HEATR4: variants seen among roughly 807,000 people sequenced by gnomAD.
HEATR4 encodes HEAT repeat containing 4, also known as HEAT repeat-containing protein 4.
HEATR4 carries 95 observed loss-of-function variants against 108.8 expected under a neutral mutation model. That is an observed-to-expected ratio of 0.87 (90% CI 0.74 to 1.04). HEATR4 has a LOEUF of 1.04. HEATR4 is among the 50% of genes least tolerant of loss of function. HEATR4 has a pLI of 0.00. For missense variants in HEATR4, 1,152 were observed against 1,253.8 expected (o/e 0.92, Z 1.23); for synonymous variants, 443 against 459.4 (o/e 0.96, Z 0.46).
At chr14:73,576,263 TG>T in the HEATR4 span, among the ~76,000 whole-genome samples, 1 of 151,972 alleles carries the variant, frequency 6.6e-6, no homozygotes, top group African/African-American at 2.4e-5. Context: ...CCTTTAAGAA[TG>T]GAAGTTAACA....
the HEATR4 span, among the ~76,000 whole-genome samples, chr14:73,590,116 A>G: frequency 0.18 from 27,780 of 152,082 alleles, 4,447 homozygotes; most frequent in African/African-American, 0.43. Context: ...TGCCACTGCT[A>G]GCTCTGGCAG....
intron 2 of HEATR4, among the ~76,000 whole-genome samples, chr14:73,527,554 G>GA (rs59320523): frequency 0.67 from 102,163 of 151,388 alleles, 35,085 homozygotes; most frequent in East Asian, 0.89. Context: ...CTTCGCAAAA[G>GA]AAAAAAAATC....
the HEATR4 span, among the ~76,000 whole-genome samples, chr14:73,604,272 C>A: frequency 3.4e-5 from 5 of 148,850 alleles, no homozygotes; most frequent in East Asian, 1.0e-3. Flanking sequence ...TCAAGCAATT[C>A]TCCTGCCTCA....
At chr14:73,503,287 C>G (rs1384737898) in intron 10 of HEATR4, among the ~76,000 whole-genome samples, 1 of 152,182 alleles carries the variant, frequency 6.6e-6, no homozygotes, top group Non-Finnish European at 1.5e-5. Context: ...CAAGCTCATC[C>G]TTTAAACTAT....
chr14:73,478,734 C>T lies in HEATR4; in HGVS notation c.2953G>A (p.Glu985Lys), dbSNP rs777140747. 1.1e-5 allele frequency: 17 copies of T among 1,613,896 alleles called. No individual in the cohort carries two copies. Among genetic ancestry groups the T allele is most frequent in the Non-Finnish European group, 1.4e-5 (17 of 1,179,964 alleles). Residue 985 changes from glutamate (E) to lysine (K), a missense_variant, in exon 18 of 18, where the codon GAG (glutamate) becomes AAG (lysine). Physicochemically the swap from Glu to Lys is moderately conservative, Grantham distance 56 (BLOSUM62 1). Transcript: ENST00000553558. ...AATGGTCCCACAGCAATCCTTTTCT[C>T]GGGGGAGGTGCGTAGATCTTTGACA... Reference protein sequence around the residue: ...SLVKDLRTSPEKRIAVGPFRS... With the variant: ...SLVKDLRTSPKKRIAVGPFRS...
the HEATR4 span, among the ~76,000 whole-genome samples, chr14:73,598,954 A>C: frequency 1.3e-5 from 2 of 152,136 alleles, no homozygotes; most frequent in Admixed American, 6.5e-5. Context: ...CAATGAGTCA[A>C]GATCACACCA....
At chr14:73,559,846 C>T (rs2140323887), upstream of HEATR4, among the ~76,000 whole-genome samples, 1 of 152,232 alleles carries the variant, frequency 6.6e-6, no homozygotes, top group Middle Eastern at 3.4e-3. Flanking sequence ...GAACACATGA[C>T]CACATAGTTC....
the HEATR4 span, among the ~76,000 whole-genome samples, chr14:73,605,541 G>GGAGGCTGTAA: frequency 2.0e-5 from 3 of 147,810 alleles, no homozygotes; most frequent in Non-Finnish European, 3.0e-5. Flanking sequence ...TCATGCAGCT[G>GGAGGCTGTAA]GAGGCTGTAA....
chr14:73,491,762 T>G (rs758521493), intron 17 of HEATR4: 21 of 1,565,206 alleles, frequency 1.3e-5, no homozygotes, highest in Non-Finnish European at 1.8e-5. Context: ...TGACCTGGAT[T>G]CGATGCTGCG....
Position 73,487,006 on chromosome 14 carries a change from G to A in HEATR4, c.2844+6060C>T, listed in dbSNP as rs180895169. ...TTCCTGGCCCAGCGCGATGGCTCAC[G>A]CCTGTAATCCCAGCACTTTGGGAGG... On this transcript the variant is annotated intron_variant, in intron 17 of 17. Transcript: ENST00000553558. 1.2e-3 allele frequency among the ~76,000 whole-genome samples: 188 copies of A among 152,104 alleles called. 1 individual carries two copies. The highest frequency in any genetic ancestry group is 4.2e-3 in the African/African-American group (173 of 41,512).
chr14:73,543,869 A>G (rs1246832350), intron 1 of HEATR4: 1 of 160,852 alleles, frequency 6.2e-6, no homozygotes, highest in African/African-American at 2.6e-5. Context: ...AGGAAACACA[A>G]GAAGTGGAAA....
the HEATR4 span, among the ~76,000 whole-genome samples, chr14:73,572,418 T>C: frequency 1.3e-5 from 2 of 149,926 alleles, no homozygotes; most frequent in African/African-American, 2.4e-5. Context: ...GGAGAACACA[T>C]TCAGTATCAT....
the HEATR4 span, among the ~76,000 whole-genome samples, chr14:73,584,937 G>GT: frequency 1.3e-5 from 2 of 151,148 alleles, no homozygotes; most frequent in South Asian, 2.1e-4. Context: ...TCCTGATCCC[G>GT]TAACACCTTG....
At chr14:73,513,323 A>G (rs1343202550) in intron 6 of HEATR4, among the ~76,000 whole-genome samples, 2 of 151,880 alleles carry the variant, frequency 1.3e-5, no homozygotes, top group Admixed American at 6.6e-5. Context: ...GCCAGACATC[A>G]TGGCACATGC....
At chr14:73,601,738 T>C in the HEATR4 span, among the ~76,000 whole-genome samples, 25 of 152,308 alleles carry the variant, frequency 1.6e-4, no homozygotes, top group East Asian at 4.3e-3. Context: ...ATGCTTAACA[T>C]TGGACTTATG....
chr14:73,591,542 A>C, the HEATR4 span, among the ~76,000 whole-genome samples: 1 of 144,884 alleles, frequency 6.9e-6, no homozygotes, highest in Admixed American at 6.9e-5. Flanking sequence ...ACTCTGTTTC[A>C]AAAAAAAAAA....
chr14:73,620,250 T>C, the HEATR4 span, among the ~76,000 whole-genome samples: 2 of 152,186 alleles, frequency 1.3e-5, no homozygotes, highest in East Asian at 1.9e-4. Context: ...GCAACCTTTT[T>C]AGTGACAAAG....
chr14:73,572,053 ACT>A, the HEATR4 span, among the ~76,000 whole-genome samples: 2 of 150,380 alleles, frequency 1.3e-5, no homozygotes, highest in Admixed American at 6.7e-5. Context: ...AGGAAATGAA[ACT>A]CACTGCTAGA....
chr14:73,617,899 C>A, the HEATR4 span, among the ~76,000 whole-genome samples: 1 of 113,470 alleles, frequency 8.8e-6, no homozygotes, highest in Non-Finnish European at 1.8e-5. Context: ...AATCCCAGTA[C>A]TTTGGGAGGC....
Sources: allele counts gnomAD v4.1 joint callset (sites outside exome capture counted in the v4.1 genomes callset), GRCh38; gene constraint gnomAD v4.1.1; transcripts MANE v1.5; gene names NCBI Gene and HGNC (gene_info 2026-07-23, HGNC 2026-07-21).